Variants in WNT16 observed in about 807,000 individuals in gnomAD.
WNT16 encodes Wnt family member 16.
A neutral mutation model predicts 35.4 loss-of-function variants in WNT16; 20 were observed. The observed-to-expected ratio is 0.56, with a 90% confidence interval of 0.40 to 0.82. The LOEUF (loss-of-function observed/expected upper bound fraction) is 0.82, where lower values mean the gene tolerates loss of function less well. Among genes scored for constraint, WNT16 ranks in the 40% least tolerant of loss-of-function variants. The pLI, the probability that WNT16 is intolerant of heterozygous loss-of-function variation, is 0.00. For missense variants in WNT16, 461 were observed against 466.0 expected (o/e 0.99, Z 0.10); for synonymous variants, 180 against 179.2 (o/e 1.00, Z -0.03).
intron 3 of WNT16, among the ~76,000 whole-genome samples, chr7:121,338,285 T>G (rs34469377): frequency 0.012 from 1,806 of 151,934 alleles, 11 homozygotes; most frequent in Non-Finnish European, 0.017. Context: ...ATCTGAGAGG[T>G]TTGAGCATTG....
chr7:121,325,442 G>T (rs886887330), upstream of WNT16: 1 of 1,613,720 alleles, frequency 6.2e-7, no homozygotes, highest in Non-Finnish European at 8.5e-7. Context: ...GCCTCAGGGA[G>T]ACCCTCTTCA....
rs1225803511 is a variant in WNT16, at chr7:121,331,739, C to G, written c.408C>G (p.Thr136=). 2.5e-6 allele frequency: 4 copies of G among 1,614,020 alleles called. No homozygotes were observed. The highest frequency in any genetic ancestry group is 1.3e-5 in the African/African-American group (1 of 74,908). Residue 136 remains threonine, a synonymous_variant, in exon 3 of 4, where the codon ACC becomes ACG. Transcript: ENST00000222462. The part of the protein sequence containing the change: ...VMAAGLVHSV[T]RSCSAGNMTE... ...CTGCAGGCCTGGTGCATTCTGTGAC[C>G]AGGTCATGCAGTGCAGGCAACATGA... is the stretch of plus-strand genomic sequence containing the variant.
chr7:121,328,934 C>T, upstream of WNT16: 1 of 746,082 alleles, frequency 1.3e-6, no homozygotes, highest in Non-Finnish European at 1.7e-6. Context: ...GCCAATCAGG[C>T]TCCAGGCGCG....
At chr7:121,327,558 C>T (rs1162604069), upstream of WNT16, among the ~76,000 whole-genome samples, 1 of 152,022 alleles carries the variant, frequency 6.6e-6, no homozygotes, top group Non-Finnish European at 1.5e-5. Flanking sequence ...CCATGTTGGC[C>T]ATGCTGGTCT....
upstream of WNT16, among the ~76,000 whole-genome samples, chr7:121,328,022 G>T (rs1023384590): frequency 1.3e-5 from 2 of 152,182 alleles, no homozygotes; most frequent in Admixed American, 1.3e-4. Context: ...TGGTTTATTT[G>T]TACAGTTGTG....
intron 2 of WNT16, among the ~76,000 whole-genome samples, chr7:121,330,265 C>T (rs894366149): frequency 2.5e-4 from 38 of 152,218 alleles, no homozygotes; most frequent in Non-Finnish European, 1.3e-4. Flanking sequence ...AGCGAAGCCC[C>T]ACCTTTATTG....
chr7:121,325,384 G>C, upstream of WNT16: 1 of 1,605,210 alleles, frequency 6.2e-7, no homozygotes, highest in Non-Finnish European at 8.5e-7. Context: ...AAAAACCACA[G>C]AGGGCAAAGC....
At chr7:121,331,006 T>C (rs1377695298) in intron 2 of WNT16, among the ~76,000 whole-genome samples, 2 of 152,210 alleles carry the variant, frequency 1.3e-5, no homozygotes, top group Non-Finnish European at 2.9e-5. Context: ...TAGAATTATG[T>C]TTTTGCTAGT....
Position 121,331,805 on chromosome 7 carries a change from A to G in WNT16, c.474A>G (p.Ser158=). 1 of 1,614,226 alleles carries G rather than the reference A, an allele frequency of 6.2e-7. No homozygotes were observed. Among genetic ancestry groups the G allele is most frequent in the East Asian group, 2.2e-5 (1 of 44,886 alleles). Residue 158 remains serine, a synonymous_variant, in exon 3 of 4, where the codon TCA becomes TCG. Coordinates refer to ENST00000222462, the MANE Select transcript of WNT16 (RefSeq NM_057168.2). ...ACACCACCTTGCAGAACGGCGGCTC[A>G]GCAAGTGAAGGCTGGCACTGGGGGG... ...SCDTTLQNGG[S]ASEGWHWGGC... is the part of the protein sequence containing the mutation.
rs143682302 is a variant in WNT16, at chr7:121,338,864, A to AT, written c.634-15dup. The AT allele has an allele frequency of 9.8e-4, 1,571 of 1,604,808 alleles. 15 individuals carry two copies. In the African/African-American group the frequency reaches 0.019, roughly 20 times the overall value. On this transcript the variant is annotated splice_polypyrimidine_tract_variant and intron_variant, in intron 3 of 3. Transcript: ENST00000222462. ...ACTTTATGATTGATAGTTGAACACAATTACTGTTGGTTTCAGGCTGTCGCC... is the reference window on the plus strand; with the variant it reads ...ACTTTATGATTGATAGTTGAACACAATTTACTGTTGGTTTCAGGCTGTCGCC...
intron 3 of WNT16, 111 bp downstream of exon 3, chr7:121,332,075 C>A (rs1028312032): frequency 1.8e-5 from 23 of 1,265,562 alleles, no homozygotes; most frequent in Admixed American, 4.9e-5. Flanking sequence ...CACTGGCAGC[C>A]CTCAAGTGGG....
upstream of WNT16, chr7:121,325,384 G>A (rs1793228137): frequency 1.2e-6 from 2 of 1,605,210 alleles, no homozygotes; most frequent in Non-Finnish European, 1.7e-6. Context: ...AAAAACCACA[G>A]AGGGCAAAGC....
intron 3 of WNT16, among the ~76,000 whole-genome samples, chr7:121,332,510 T>C (rs1196841460): frequency 1.3e-5 from 2 of 152,194 alleles, no homozygotes; most frequent in Non-Finnish European, 2.9e-5. Context: ...GCCTTTCTAA[T>C]AGAACTGAGT....
In WNT16 at chr7:121,329,506, T is replaced by A. The variant is rs546617556; in HGVS notation, c.96-61T>A. On this transcript the variant is annotated intron_variant, in intron 1 of 3. Transcript: ENST00000222462. Reference sequence around the variant, plus strand: ...GGGACCCTTAGACGAGTGACCTAATTTTTCGGAAAACATCTGGAATTGGGG... The same window carrying A: ...GGGACCCTTAGACGAGTGACCTAATATTTCGGAAAACATCTGGAATTGGGG... 2.4e-5 allele frequency: 38 copies of A among 1,601,286 alleles called. No individual in the cohort carries two copies. In the African/African-American group the frequency reaches 4.8e-4, roughly 20 times the overall value.
chr7:121,325,456 G>A (rs2116826690), upstream of WNT16: 1 of 1,613,438 alleles, frequency 6.2e-7, no homozygotes, highest in South Asian at 1.1e-5. Context: ...CTCTTCACAG[G>A]GGCTTCTCAA....
At chr7:121,338,738 T>C in intron 3 of WNT16, 143 bp from the exon 4 acceptor site, 1 of 772,816 alleles carries the variant, frequency 1.3e-6, no homozygotes, top group East Asian at 2.7e-5. Flanking sequence ...TACGCAATTT[T>C]AAAGATTATT....
chr7:121,325,948 G>A (rs569547113), upstream of WNT16, among the ~76,000 whole-genome samples: 1 of 148,808 alleles, frequency 6.7e-6, no homozygotes, highest in Non-Finnish European at 1.5e-5. Context: ...GGCTGAGGGT[G>A]AGGATCGCTT....
intron 3 of WNT16, among the ~76,000 whole-genome samples, chr7:121,337,686 T>C (rs921535461): frequency 3.9e-5 from 6 of 152,234 alleles, no homozygotes; most frequent in African/African-American, 7.2e-5. Context: ...ATTAGAGCCC[T>C]AAACTTTTGA....
intron 3 of WNT16, 54 bp from the exon 4 acceptor site, chr7:121,338,827 G>T (rs1224013629): frequency 6.8e-7 from 1 of 1,473,356 alleles, no homozygotes; most frequent in African/African-American, 1.4e-5. Flanking sequence ...TGCTTCTGTT[G>T]TTGAGTAAAA....
Sources: gnomAD v4.1 joint callset for allele counts (sites outside exome capture counted in the v4.1 genomes callset) on GRCh38, gnomAD v4.1.1 for gene constraint, MANE v1.5 for transcripts, NCBI Gene and HGNC (gene_info 2026-07-23, HGNC 2026-07-21) for gene names.